The following ZDHHC13 variants were observed in gnomAD, a reference collection of about 807,000 sequenced individuals.
ZDHHC13 encodes the protein palmitoyltransferase ZDHHC13.
ZDHHC13 carries 85 observed loss-of-function variants against 86.0 expected under a neutral mutation model. The observed-to-expected ratio is 0.99, with a 90% CI of 0.83 to 1.18. The LOEUF is 1.18. ZDHHC13 is among the 50% of genes most tolerant of loss of function. The pLI is 0.00. For synonymous variants in ZDHHC13, 263 were observed against 246.4 expected (o/e 1.07, Z -0.63); for missense variants, 711 against 730.2 (o/e 0.97, Z 0.30).
At chr11:19,170,192 T>C in intron 14 of ZDHHC13, 2 of 1,370,406 alleles carry the variant, frequency 1.5e-6, no homozygotes, top group Non-Finnish European at 1.9e-6. Flanking sequence ...TGTTAACTAC[T>C]TATACAGTGT....
intron 13 of ZDHHC13, among the ~76,000 whole-genome samples, chr11:19,165,895 T>A (rs1158633482): frequency 6.6e-6 from 1 of 152,234 alleles, no homozygotes; most frequent in Non-Finnish European, 1.5e-5. Context: ...AAGTGTTTGC[T>A]TAGTTAACTT....
chr11:19,139,088 A>T (rs1285129079), intron 1 of ZDHHC13, among the ~76,000 whole-genome samples: 28 of 152,238 alleles, frequency 1.8e-4, no homozygotes, highest in African/African-American at 6.7e-4. Flanking sequence ...AGAAGGAAAT[A>T]AAGGGTATTC....
intron 1 of ZDHHC13, among the ~76,000 whole-genome samples, chr11:19,122,064 C>T (rs1193765791): frequency 6.6e-6 from 1 of 152,156 alleles, no homozygotes; most frequent in African/African-American, 2.4e-5. Flanking sequence ...CTTTTCCTGA[C>T]CTTGCTTCAC....
chr11:19,175,247 G>A (rs182122244), intron 16 of ZDHHC13, among the ~76,000 whole-genome samples: 6 of 151,812 alleles, frequency 4.0e-5, no homozygotes, highest in East Asian at 3.9e-4. Context: ...AAAATTAGCC[G>A]GGTGTGGTGG....
chr11:19,141,323 A>G (rs1849314319), intron 1 of ZDHHC13, among the ~76,000 whole-genome samples: 1 of 152,156 alleles, frequency 6.6e-6, no homozygotes, highest in Non-Finnish European at 1.5e-5. Context: ...ATATGTAAAT[A>G]ATATGTACAT....
At chr11:19,171,571 C>T (rs894933514) in intron 15 of ZDHHC13, among the ~76,000 whole-genome samples, 2 of 152,164 alleles carry the variant, frequency 1.3e-5, no homozygotes, top group African/African-American at 2.4e-5. Context: ...ACTCTCCTAT[C>T]ACTCTGACTT....
rs755328447 is a variant in ZDHHC13, at chr11:19,155,865, G to T, written c.943G>T (p.Asp315Tyr). Reference sequence around the variant, plus strand: ...TGGATACATATTGGACTTCAATTCAGATTCTTGGCTTTTAAAAGGATGTCT... The same window carrying T: ...TGGATACATATTGGACTTCAATTCATATTCTTGGCTTTTAAAAGGATGTCT... ...AIGYILDFNSDSWLLKGCLLV... is the reference protein window; with the variant it reads ...AIGYILDFNSYSWLLKGCLLV... The change falls in exon 9 of 17, where the codon GAT becomes TAT. Residue 315 changes from aspartate (D) to tyrosine (Y), a missense_variant. By Grantham distance (160) the Asp-to-Tyr change is radical. Coordinates refer to ENST00000446113, the MANE Select transcript of ZDHHC13 (RefSeq NM_019028.3). 6.2e-7 allele frequency: 1 copy of T among 1,612,904 alleles called. No individual in the cohort carries two copies.
intron 1 of ZDHHC13, among the ~76,000 whole-genome samples, chr11:19,131,647 T>C (rs1849002783): frequency 2.0e-5 from 3 of 151,766 alleles, no homozygotes; most frequent in Admixed American, 6.6e-5. Flanking sequence ...TTTTTTTTTT[T>C]CTCTTTTGAG....
chr11:19,121,590 T>C (rs112973421), intron 1 of ZDHHC13, among the ~76,000 whole-genome samples: 2 of 152,238 alleles, frequency 1.3e-5, no homozygotes, highest in Non-Finnish European at 2.9e-5. Context: ...AATGAATAAT[T>C]GATGAAAACT....
chr11:19,131,366 A>G (rs1848996837), intron 1 of ZDHHC13, among the ~76,000 whole-genome samples: 3 of 152,080 alleles, frequency 2.0e-5, no homozygotes, highest in Admixed American at 6.5e-5. Context: ...TTCGGGGCTT[A>G]TCCTACTTGG....
At chr11:19,163,709 A>C (rs1849975984) in intron 11 of ZDHHC13, among the ~76,000 whole-genome samples, 1 of 152,160 alleles carries the variant, frequency 6.6e-6, no homozygotes, top group Non-Finnish European at 1.5e-5. Context: ...ACATTTTCAT[A>C]ATGGTCATTT....
At chr11:19,160,556 G>A (rs887881777) in intron 10 of ZDHHC13, among the ~76,000 whole-genome samples, 3 of 151,938 alleles carry the variant, frequency 2.0e-5, no homozygotes, top group Non-Finnish European at 4.4e-5. Flanking sequence ...AATCCATATG[G>A]CAGTGGAATA....
At chr11:19,149,928 G>C (rs1370714094) in intron 5 of ZDHHC13, among the ~76,000 whole-genome samples, 1 of 152,190 alleles carries the variant, frequency 6.6e-6, no homozygotes, top group Non-Finnish European at 1.5e-5. Context: ...AAATGCTGTT[G>C]GAATGATTGT....
intron 1 of ZDHHC13, among the ~76,000 whole-genome samples, chr11:19,121,583 G>T (rs1848759865): frequency 6.6e-6 from 1 of 152,216 alleles, no homozygotes; most frequent in South Asian, 2.1e-4. Flanking sequence ...TTCCCTGAAT[G>T]AATAATTGAT....
intron 14 of ZDHHC13, 125 bp downstream of exon 14, chr11:19,166,510 C>A: frequency 2.9e-6 from 2 of 685,052 alleles, no homozygotes; most frequent in Non-Finnish European, 4.7e-6. Context: ...AAAAACAAAG[C>A]AAATGCCTCT....
chr11:19,164,468 T>C, intron 12 of ZDHHC13, 105 bp downstream of exon 12: 1 of 1,063,928 alleles, frequency 9.4e-7, no homozygotes, highest in Non-Finnish European at 1.4e-6. Context: ...TACACCTTTG[T>C]TTTTACCCAT....
intron 8 of ZDHHC13, among the ~76,000 whole-genome samples, chr11:19,155,203 T>A (rs1849722775): frequency 6.6e-6 from 1 of 152,198 alleles, no homozygotes; most frequent in Non-Finnish European, 1.5e-5. Flanking sequence ...TTGCAAGAAG[T>A]AATTTTGAAA....
intron 1 of ZDHHC13, among the ~76,000 whole-genome samples, chr11:19,127,807 A>G (rs1208933018): frequency 6.6e-6 from 1 of 151,960 alleles, no homozygotes; most frequent in Non-Finnish European, 1.5e-5. Context: ...CCATTCATCT[A>G]TGTGTCTGTT....
intron 1 of ZDHHC13, among the ~76,000 whole-genome samples, chr11:19,133,035 CA>C (rs1051811447): frequency 6.6e-6 from 1 of 151,950 alleles, no homozygotes; most frequent in Non-Finnish European, 1.5e-5. Context: ...AGTAAAAACA[CA>C]AAAATGGACA....
Sources: gnomAD v4.1 joint callset for allele counts (sites outside exome capture counted in the v4.1 genomes callset) on GRCh38, gnomAD v4.1.1 for gene constraint, MANE v1.5 for transcripts, NCBI Gene and HGNC (gene_info 2026-07-23, HGNC 2026-07-21) for gene names.